The following C1orf21 variants were observed in gnomAD, a reference collection of about 807,000 sequenced individuals.
C1orf21 encodes the protein uncharacterized protein C1orf21.
C1orf21 carries 3 observed loss-of-function variants against 18.7 expected under a neutral mutation model. The ratio of observed to expected loss-of-function variants is 0.16; its 90% CI spans 0.07 to 0.42. The LOEUF is 0.42. Ranked by LOEUF, C1orf21 falls within the 10% of genes least tolerant of loss-of-function variation. The pLI is 0.99. For synonymous variants in C1orf21, 41 were observed against 46.4 expected (o/e 0.88, Z 0.47); for missense variants, 104 against 143.6 (o/e 0.72, Z 1.41).
intron 2 of C1orf21, among the ~76,000 whole-genome samples, chr1:184,495,042 C>T (rs916051193): frequency 2.0e-5 from 3 of 152,274 alleles, no homozygotes; most frequent in East Asian, 3.9e-4. Flanking sequence ...AGCATGTCAT[C>T]GTCACACAGT....
In C1orf21 at chr1:184,570,720, T is replaced by C. The variant is rs1235177599; in HGVS notation, c.190-20019T>C. Among the ~76,000 whole-genome samples the C allele has an allele frequency of 2.0e-5, 3 of 152,212 alleles. 1 individual carries two copies. The South Asian group carries it at 6.2e-4, about 32-fold the overall frequency. On this transcript the variant is annotated intron_variant, in intron 3 of 5. Transcript: ENST00000235307. The stretch of plus-strand genomic sequence containing the variant: ...AAAGGAAAATAATGCAACTGAGTGC[T>C]AAGGCAGAACATCTTGCCAGATGTA...
rs541556633 is a variant in C1orf21, at chr1:184,473,478, T to A, written c.-124-3908T>A. On this transcript the variant is annotated intron_variant, in intron 1 of 5. Transcript: ENST00000235307. ...AAAAAATGGAAGCTAAAAAAAAAAA[T>A]GCTGGAGTTTACGTGAAGGATAGCA... Among the ~76,000 whole-genome samples, 41 of 151,436 alleles carry A rather than the reference T, an allele frequency of 2.7e-4. No individual in the cohort carries two copies. In the East Asian group the frequency reaches 7.0e-3, roughly 26 times the overall value.
rs41263682 is a variant in C1orf21, at chr1:184,626,212, C to T, written c.*6656C>T. ...AGGAACCTAGCCATAACGAGGGAGGCAGCATGGAAGTACCCTACAGGGGAA... is the reference window on the plus strand; with the variant it reads ...AGGAACCTAGCCATAACGAGGGAGGTAGCATGGAAGTACCCTACAGGGGAA... On this transcript the variant is annotated 3_prime_UTR_variant, in exon 6 of 6. Transcript: ENST00000235307. The T allele has an allele frequency of 0.12, 18,473 of 152,196 alleles. 1,225 individuals carry two copies. Among genetic ancestry groups the T allele is most frequent in the African/African-American group, 0.17 (7,127 of 41,488 alleles). The allele number at this position is 152,196 out of a possible 1,614,324, so 9.4% of individuals were successfully genotyped here.
chr1:184,494,285 C>T (rs1657858019), intron 2 of C1orf21, among the ~76,000 whole-genome samples: 1 of 152,104 alleles, frequency 6.6e-6, no homozygotes, highest in South Asian at 2.1e-4. Flanking sequence ...TGCCCTTGTG[C>T]CAGTAGGGTG....
intron 1 of C1orf21, among the ~76,000 whole-genome samples, chr1:184,457,283 G>A (rs1265690914): frequency 6.6e-6 from 1 of 152,154 alleles, no homozygotes; most frequent in Non-Finnish European, 1.5e-5. Context: ...GAGCAAAGAT[G>A]AGTAAAACTG....
chr1:184,592,375 A>G (rs1558010131), intron 4 of C1orf21: 2 of 152,344 alleles, frequency 1.3e-5, no homozygotes, highest in Middle Eastern at 3.4e-3. Context: ...ACAGATGACT[A>G]TCCCGAAATG....
chr1:184,444,778 A>G (rs1253133372), intron 1 of C1orf21, among the ~76,000 whole-genome samples: 1 of 152,176 alleles, frequency 6.6e-6, no homozygotes, highest in Non-Finnish European at 1.5e-5. Context: ...TGAATCCGTG[A>G]TAAGCACCAA....
At chr1:184,460,030 A>C (rs1657277661) in intron 1 of C1orf21, among the ~76,000 whole-genome samples, 1 of 152,118 alleles carries the variant, frequency 6.6e-6, no homozygotes. Context: ...CCTTCCCCAC[A>C]GGGACTCCAC....
At chr1:184,607,169 G>GT (rs2102006191) in intron 5 of C1orf21, among the ~76,000 whole-genome samples, 1 of 152,228 alleles carries the variant, frequency 6.6e-6, no homozygotes, top group East Asian at 1.9e-4. Context: ...CCAAAAAATT[G>GT]TAAGCTCATA....
chr1:184,414,553 C>T (rs1158988660), intron 1 of C1orf21, among the ~76,000 whole-genome samples: 1 of 151,064 alleles, frequency 6.6e-6, no homozygotes, highest in Non-Finnish European at 1.5e-5. Context: ...TTGTGTACAC[C>T]AAAGCTTGAC....
chr1:184,430,910 A>G (rs992977358), intron 1 of C1orf21, among the ~76,000 whole-genome samples: 5 of 152,134 alleles, frequency 3.3e-5, no homozygotes, highest in African/African-American at 9.7e-5. Flanking sequence ...GATTCTTCCT[A>G]TCCATGAGCA....
chr1:184,599,215 A>G (rs1659555573), intron 5 of C1orf21: 1 of 152,260 alleles, frequency 6.6e-6, no homozygotes, highest in African/African-American at 2.4e-5. Flanking sequence ...TCTAAAGAAG[A>G]GTGAACTTCT....
chr1:184,491,438 C>T (rs1246365283), intron 2 of C1orf21, among the ~76,000 whole-genome samples: 2 of 152,038 alleles, frequency 1.3e-5, no homozygotes, highest in African/African-American at 4.8e-5. Flanking sequence ...CAGCCTCAAC[C>T]TCCCAAGCTC....
chr1:184,424,223 G>T (rs1264444441), intron 1 of C1orf21, among the ~76,000 whole-genome samples: 2 of 151,980 alleles, frequency 1.3e-5, no homozygotes, highest in Admixed American at 1.3e-4. Context: ...GGAAAATCCA[G>T]TTCCCTTAAA....
intron 3 of C1orf21, chr1:184,567,657 C>A: frequency 2.5e-6 from 1 of 399,510 alleles, no homozygotes; most frequent in Non-Finnish European, 5.0e-6. Flanking sequence ...ATGGCATCAC[C>A]AGCTTTGAGT....
chr1:184,568,673 T>C (rs1659067475), intron 3 of C1orf21, among the ~76,000 whole-genome samples: 1 of 152,216 alleles, frequency 6.6e-6, no homozygotes, highest in Admixed American at 6.5e-5. Context: ...TTAAAAGTGA[T>C]GGTGCCCATG....
In C1orf21 at chr1:184,388,499, C is replaced by T. The variant is rs189726730; in HGVS notation, c.-125+1131C>T. 1.7e-3 allele frequency among the ~76,000 whole-genome samples: 254 copies of T among 152,238 alleles called. 2 individuals are homozygous for T. Among genetic ancestry groups the T allele is most frequent in the African/African-American group, 5.9e-3 (246 of 41,518 alleles). ...CTGGAAGACAGCCATAGTTCAGTTA[C>T]TGAAGCAATTCTGAAAGTGATACAC... On this transcript the variant is annotated intron_variant, in intron 1 of 5. Coordinates refer to ENST00000235307, the MANE Select transcript of C1orf21 (RefSeq NM_030806.4).
chr1:184,502,216 C>A (rs2101961319), intron 2 of C1orf21, among the ~76,000 whole-genome samples: 1 of 152,280 alleles, frequency 6.6e-6, no homozygotes, highest in African/African-American at 2.4e-5. Context: ...ATGTCCAAGA[C>A]CAAGGTGCCT....
intron 1 of C1orf21, among the ~76,000 whole-genome samples, chr1:184,406,274 G>C (rs1179839040): frequency 2.0e-5 from 3 of 152,084 alleles, no homozygotes; most frequent in African/African-American, 7.2e-5. Flanking sequence ...ATTCATCTTG[G>C]TTTTCTACTC....
Sources: allele counts gnomAD v4.1 joint callset (sites outside exome capture counted in the v4.1 genomes callset), GRCh38; gene constraint gnomAD v4.1.1; transcripts MANE v1.5; gene names NCBI Gene and HGNC (gene_info 2026-07-23, HGNC 2026-07-21).